The following CTNNA3 variants were observed in gnomAD, a reference collection of about 807,000 sequenced individuals.
The protein encoded by CTNNA3 is catenin alpha-3.
In CTNNA3, 76 loss-of-function variants were observed where a neutral mutation model predicts 95.7. The ratio of observed to expected loss-of-function variants is 0.79; its 90% CI spans 0.66 to 0.96. The LOEUF is 0.96. Ranked by LOEUF, CTNNA3 falls within the 40% of genes least tolerant of loss-of-function variation. CTNNA3 has a pLI of 0.00. For synonymous variants in CTNNA3, 431 were observed against 374.4 expected (o/e 1.15, Z -1.74); for missense variants, 1,191 against 1,089.8 (o/e 1.09, Z -1.31).
chr10:65,989,782 C>T (rs1352938168), intron 15 of CTNNA3, among the ~76,000 whole-genome samples: 1 of 152,012 alleles, frequency 6.6e-6, no homozygotes, highest in East Asian at 1.9e-4. Flanking sequence ...TAACTATAGT[C>T]ATCCTACTCA....
intron 5 of CTNNA3, among the ~76,000 whole-genome samples, chr10:67,481,229 GCCC>G (rs1848212262): frequency 6.6e-6 from 1 of 152,124 alleles, no homozygotes; most frequent in African/African-American, 2.4e-5. Flanking sequence ...AGACAAAGAT[GCCC>G]ACTCTCACTA....
intron 12 of CTNNA3, among the ~76,000 whole-genome samples, chr10:66,293,794 T>C (rs940402564): frequency 5.3e-5 from 8 of 151,492 alleles, no homozygotes; most frequent in African/African-American, 1.9e-4. Flanking sequence ...GCCTCCCGAG[T>C]AGCTGGGATT....
intron 12 of CTNNA3, among the ~76,000 whole-genome samples, chr10:66,283,604 A>G (rs983108775): frequency 1.3e-5 from 2 of 151,932 alleles, no homozygotes; most frequent in Non-Finnish European, 2.9e-5. Flanking sequence ...CCTTTTACTA[A>G]TAAATTAATA....
intron 7 of CTNNA3, among the ~76,000 whole-genome samples, chr10:66,812,407 T>C (rs976188111): frequency 6.6e-6 from 1 of 152,188 alleles, no homozygotes; most frequent in African/African-American, 2.4e-5. Context: ...ATGACAATAA[T>C]GCTAAATCCT....
intron 7 of CTNNA3, among the ~76,000 whole-genome samples, chr10:66,845,025 G>T (rs1244759807): frequency 1.3e-5 from 2 of 152,156 alleles, no homozygotes; most frequent in African/African-American, 4.8e-5. Flanking sequence ...AACCATGCAA[G>T]TCTAAAGATC....
At chr10:66,130,567 G>A (rs72795317) in intron 13 of CTNNA3, among the ~76,000 whole-genome samples, 22,893 of 151,984 alleles carry the variant, frequency 0.15, 2,172 homozygotes, top group Middle Eastern at 0.22. Context: ...AGAATCGGCC[G>A]GGCACTGTGG....
At chr10:66,537,793 T>C (rs1354781762) in intron 10 of CTNNA3, among the ~76,000 whole-genome samples, 4 of 151,694 alleles carry the variant, frequency 2.6e-5, no homozygotes, top group South Asian at 2.1e-4. Context: ...CCCCCATCCA[T>C]ATGAATTTTT....
intron 7 of CTNNA3, among the ~76,000 whole-genome samples, chr10:66,854,046 C>T (rs1345840328): frequency 6.6e-6 from 1 of 152,062 alleles, no homozygotes; most frequent in Non-Finnish European, 1.5e-5. Context: ...ATTCTCTTTC[C>T]AGTTGCTAAA....
intron 14 of CTNNA3, among the ~76,000 whole-genome samples, chr10:66,071,896 C>T (rs1486009885): frequency 6.6e-6 from 1 of 152,140 alleles, no homozygotes; most frequent in African/African-American, 2.4e-5. Context: ...CAATGAAAAG[C>T]TGTGTTATCC....
intron 1 of CTNNA3, among the ~76,000 whole-genome samples, chr10:67,748,519 G>A (rs1841385267): frequency 6.6e-6 from 1 of 152,044 alleles, no homozygotes; most frequent in Admixed American, 6.6e-5. Flanking sequence ...TCTAAGCAAA[G>A]GAGAAATAAA....
At chr10:66,460,268 A>G (rs2093520109) in intron 11 of CTNNA3, among the ~76,000 whole-genome samples, 1 of 152,190 alleles carries the variant, frequency 6.6e-6, no homozygotes, top group South Asian at 2.1e-4. Context: ...TGCTGCCCTC[A>G]GGCTGAGAAA....
intron 1 of CTNNA3, among the ~76,000 whole-genome samples, chr10:67,717,149 C>T (rs1841149041): frequency 6.6e-6 from 1 of 152,104 alleles, no homozygotes; most frequent in South Asian, 2.1e-4. Flanking sequence ...ATATCCTTTG[C>T]CCACTTTTTG....
At chr10:66,078,310 C>G (rs2080616344) in intron 14 of CTNNA3, among the ~76,000 whole-genome samples, 1 of 151,848 alleles carries the variant, frequency 6.6e-6, no homozygotes, top group Non-Finnish European at 1.5e-5. Context: ...CTCATTCATT[C>G]CTTCACCTAT....
At chr10:67,176,117 A>C (rs1443329772) in intron 7 of CTNNA3, among the ~76,000 whole-genome samples, 1 of 152,180 alleles carries the variant, frequency 6.6e-6, no homozygotes, top group Non-Finnish European at 1.5e-5. Flanking sequence ...TTTTTAATGA[A>C]TAAAAATCCT....
At chr10:65,952,599 G>C (rs528950208) in intron 17 of CTNNA3, among the ~76,000 whole-genome samples, 2 of 151,764 alleles carry the variant, frequency 1.3e-5, no homozygotes, top group Non-Finnish European at 2.9e-5. Flanking sequence ...ATTGCAGTAG[G>C]TTCAGAAAGC....
At chr10:65,941,039 C>G (rs1162057572) in intron 17 of CTNNA3, among the ~76,000 whole-genome samples, 1 of 152,176 alleles carries the variant, frequency 6.6e-6, no homozygotes, top group Non-Finnish European at 1.5e-5. Context: ...GATTACTTAT[C>G]CTTTCCAAGA....
intron 13 of CTNNA3, among the ~76,000 whole-genome samples, chr10:66,224,100 A>T (rs2089127863): frequency 6.6e-6 from 1 of 152,118 alleles, no homozygotes; most frequent in Admixed American, 6.6e-5. Context: ...TTCCTACCTC[A>T]CTGTTTGAGC....
intron 14 of CTNNA3, among the ~76,000 whole-genome samples, chr10:66,076,744 A>G (rs2080570211): frequency 1.3e-5 from 2 of 151,644 alleles, no homozygotes; most frequent in African/African-American, 4.8e-5. Context: ...ATAGTGATTG[A>G]CATTTGTTCA....
intron 10 of CTNNA3, among the ~76,000 whole-genome samples, chr10:66,580,472 A>G (rs975245774): frequency 6.6e-6 from 1 of 151,662 alleles, no homozygotes; most frequent in African/African-American, 2.4e-5. Context: ...ATATTTTTTC[A>G]TTTGTTCAAG....
Sources: gnomAD v4.1 joint callset for allele counts (sites outside exome capture counted in the v4.1 genomes callset) on GRCh38, gnomAD v4.1.1 for gene constraint, MANE v1.5 for transcripts, NCBI Gene and HGNC (gene_info 2026-07-23, HGNC 2026-07-21) for gene names.